The following RANBP17 variants were observed in gnomAD, a reference collection of about 807,000 sequenced individuals.
RANBP17 encodes RAN binding protein 17.
In RANBP17, 158 loss-of-function variants were observed where a neutral mutation model predicts 141.2. The ratio of observed to expected loss-of-function variants is 1.12; its 90% CI spans 0.98 to 1.28. The LOEUF is 1.28. RANBP17 is among the 50% of genes most tolerant of loss of function. The probability of loss-of-function intolerance (pLI) is 0.00; values close to 1 mark genes in which losing one functional copy is unlikely to be tolerated. For missense variants in RANBP17, 1,438 were observed against 1,290.7 expected (o/e 1.11, Z -1.75); for synonymous variants, 430 against 450.0 (o/e 0.96, Z 0.56).
chr5:171,151,783 T>C (rs927760488), intron 14 of RANBP17, among the ~76,000 whole-genome samples: 1 of 152,162 alleles, frequency 6.6e-6, no homozygotes, highest in Non-Finnish European at 1.5e-5. Flanking sequence ...GAGCCAAAAT[T>C]GTTGCCATTT....
At chr5:170,943,898 A>T (rs553423347) in intron 12 of RANBP17, among the ~76,000 whole-genome samples, 1 of 152,160 alleles carries the variant, frequency 6.6e-6, no homozygotes, top group African/African-American at 2.4e-5. Flanking sequence ...CTTAAAATCT[A>T]ATCTTTTAGC....
chr5:171,073,003 GA>G (rs1278128696), intron 14 of RANBP17, among the ~76,000 whole-genome samples: 1 of 151,914 alleles, frequency 6.6e-6, no homozygotes, highest in East Asian at 1.9e-4. Flanking sequence ...TGACATACCG[GA>G]AAAGGCAGCT....
At chr5:171,201,068 T>C (rs1762267682) in intron 19 of RANBP17, among the ~76,000 whole-genome samples, 1 of 152,212 alleles carries the variant, frequency 6.6e-6, no homozygotes, top group South Asian at 2.1e-4. Flanking sequence ...AACATCATCT[T>C]TATGAAAATT....
chr5:171,239,563 A>G (rs1764734744), intron 22 of RANBP17, among the ~76,000 whole-genome samples: 1 of 152,214 alleles, frequency 6.6e-6, no homozygotes, highest in South Asian at 2.1e-4. Context: ...GTTCAGGGGA[A>G]AAATATCACT....
chr5:171,174,765 T>A (rs1195788082), intron 16 of RANBP17, among the ~76,000 whole-genome samples: 1 of 150,602 alleles, frequency 6.6e-6, no homozygotes, highest in African/African-American at 2.4e-5. Context: ...TGTGTGTGTG[T>A]GTGTGTGTGT....
intron 24 of RANBP17, chr5:171,252,399 T>A: frequency 6.5e-7 from 1 of 1,532,508 alleles, no homozygotes; most frequent in Non-Finnish European, 9.0e-7. Flanking sequence ...GCAGCAAAGA[T>A]GAAGATTTTT....
intron 13 of RANBP17, among the ~76,000 whole-genome samples, chr5:170,954,500 G>A (rs950484779): frequency 7.1e-6 from 1 of 140,862 alleles, no homozygotes; most frequent in Non-Finnish European, 1.5e-5. Flanking sequence ...CTGGCAATTA[G>A]TGGTATATTT....
At chr5:171,089,169 C>T (rs1327260544) in intron 14 of RANBP17, among the ~76,000 whole-genome samples, 1 of 147,374 alleles carries the variant, frequency 6.8e-6, no homozygotes, top group Non-Finnish European at 1.5e-5. Flanking sequence ...GTTTGTTTTC[C>T]TTCTAACAGA....
chr5:171,034,635 A>G (rs1459180935), intron 14 of RANBP17, among the ~76,000 whole-genome samples: 1 of 152,162 alleles, frequency 6.6e-6, no homozygotes, highest in Non-Finnish European at 1.5e-5. Flanking sequence ...TCATTTCATC[A>G]CTTCATGGGA....
chr5:171,052,788 C>T (rs1363078734), intron 14 of RANBP17, among the ~76,000 whole-genome samples: 2 of 152,278 alleles, frequency 1.3e-5, no homozygotes, highest in East Asian at 3.9e-4. Flanking sequence ...TGTGTTTAAT[C>T]TGTAGATTAT....
intron 22 of RANBP17, among the ~76,000 whole-genome samples, chr5:171,239,101 G>C (rs1403549575): frequency 6.6e-6 from 1 of 152,102 alleles, no homozygotes; most frequent in Non-Finnish European, 1.5e-5. Flanking sequence ...TGCAACTATT[G>C]TTATCTCTCT....
chr5:170,883,186 A>G (rs1229966166), intron 3 of RANBP17, among the ~76,000 whole-genome samples: 1 of 152,252 alleles, frequency 6.6e-6, no homozygotes, highest in Non-Finnish European at 1.5e-5. Context: ...AGGAGTTTAC[A>G]GTTTTAAAAA....
intron 14 of RANBP17, among the ~76,000 whole-genome samples, chr5:171,114,862 C>G (rs2127764411): frequency 6.6e-6 from 1 of 151,924 alleles, no homozygotes; most frequent in African/African-American, 2.4e-5. Context: ...GCCTGTAATC[C>G]TATCGCTTTG....
intron 19 of RANBP17, among the ~76,000 whole-genome samples, chr5:171,200,271 A>G (rs1365879305): frequency 3.3e-5 from 5 of 152,222 alleles, no homozygotes; most frequent in Admixed American, 2.6e-4. Flanking sequence ...TAAACGGAAC[A>G]AAGTGATTAG....
At chr5:171,161,826 G>A (rs1759372415) in intron 14 of RANBP17, among the ~76,000 whole-genome samples, 1 of 152,124 alleles carries the variant, frequency 6.6e-6, no homozygotes, top group Non-Finnish European at 1.5e-5. Flanking sequence ...TTATTGAACA[G>A]TGTCTAGAGC....
intron 14 of RANBP17, among the ~76,000 whole-genome samples, chr5:170,993,394 CTG>C (rs1450583132): frequency 6.6e-6 from 1 of 152,042 alleles, no homozygotes; most frequent in Non-Finnish European, 1.5e-5. Context: ...TATCTGTAGA[CTG>C]TAACTTTCTA....
intron 12 of RANBP17, among the ~76,000 whole-genome samples, chr5:170,935,166 G>T (rs1417841654): frequency 6.6e-6 from 1 of 152,096 alleles, no homozygotes; most frequent in Non-Finnish European, 1.5e-5. Flanking sequence ...GGTCATTTAA[G>T]GACTTCTCTA....
chr5:170,964,860 G>A lies in RANBP17; in HGVS notation c.1575-3382G>A, dbSNP rs1296317084. Among the ~76,000 whole-genome samples the A allele has an allele frequency of 9.2e-5, 14 of 152,188 alleles. No individual in the cohort carries two copies. The East Asian group carries it at 1.4e-3, about 15-fold the overall frequency. ...GTGAATAGTGCCACAATAAACATACGTGTGCATGTGTCTTTATAACAGCAT... is the reference window on the plus strand; with the variant it reads ...GTGAATAGTGCCACAATAAACATACATGTGCATGTGTCTTTATAACAGCAT... On this transcript the variant is annotated intron_variant, in intron 13 of 27. Transcript: ENST00000523189.
intron 18 of RANBP17, among the ~76,000 whole-genome samples, chr5:171,193,033 G>A (rs1174236411): frequency 6.6e-6 from 1 of 152,162 alleles, no homozygotes; most frequent in Non-Finnish European, 1.5e-5. Context: ...CAGATGATCT[G>A]GGCCTAGACC....
Sources: gnomAD v4.1 joint callset for allele counts (sites outside exome capture counted in the v4.1 genomes callset) on GRCh38, gnomAD v4.1.1 for gene constraint, MANE v1.5 for transcripts, NCBI Gene and HGNC (gene_info 2026-07-23, HGNC 2026-07-21) for gene names.